The following SGCD variants were observed in gnomAD, a reference collection of about 807,000 sequenced individuals.
The protein encoded by SGCD is sarcoglycan delta.
A neutral mutation model predicts 36.6 loss-of-function variants in SGCD; 18 were observed. The ratio of observed to expected loss-of-function variants is 0.49; its 90% CI spans 0.34 to 0.73. The LOEUF is 0.73. Ranked by LOEUF, SGCD falls within the 30% of genes least tolerant of loss-of-function variation. The pLI is 0.01. For missense variants in SGCD, 387 were observed against 346.7 expected (o/e 1.12, Z -0.92); for synonymous variants, 133 against 130.6 (o/e 1.02, Z -0.12).
chr5:155,813,256 G>A, the SGCD span, among the ~76,000 whole-genome samples: 1 of 152,214 alleles, frequency 6.6e-6, no homozygotes, highest in African/African-American at 2.4e-5. Flanking sequence ...TGGTAAGTTA[G>A]TGAAGGTGGA....
At chr5:156,493,559 C>G (rs1383875569) in intron 3 of SGCD, among the ~76,000 whole-genome samples, 3 of 152,102 alleles carry the variant, frequency 2.0e-5, no homozygotes, top group Non-Finnish European at 4.4e-5. Flanking sequence ...ATATCTGAAA[C>G]TTCTCAGATT....
At chr5:156,257,384 G>T (rs1334097887) in intron 3 of SGCD, among the ~76,000 whole-genome samples, 2 of 152,072 alleles carry the variant, frequency 1.3e-5, no homozygotes, top group Non-Finnish European at 2.9e-5. Flanking sequence ...TGAGGCAGGA[G>T]AATGGCGTGA....
At chr5:156,384,330 T>G (rs1055274792) in intron 3 of SGCD, among the ~76,000 whole-genome samples, 1 of 152,228 alleles carries the variant, frequency 6.6e-6, no homozygotes, top group Non-Finnish European at 1.5e-5. Context: ...CTTCTTTCCT[T>G]CTTTGATTGC....
upstream of SGCD, among the ~76,000 whole-genome samples, chr5:156,322,520 C>A (rs931955313): frequency 2.0e-5 from 3 of 152,020 alleles, no homozygotes; most frequent in African/African-American, 7.3e-5. Flanking sequence ...TATGTATATA[C>A]AACTAAAATA....
chr5:156,070,062 C>T (rs1325471945), intron 1 of SGCD, among the ~76,000 whole-genome samples: 1 of 151,488 alleles, frequency 6.6e-6, no homozygotes, highest in African/African-American at 2.5e-5. Context: ...GATATACAAT[C>T]ATGTCATCTG....
intron 1 of SGCD, among the ~76,000 whole-genome samples, chr5:156,069,305 G>C (rs891121773): frequency 6.6e-6 from 1 of 152,192 alleles, no homozygotes; most frequent in African/African-American, 2.4e-5. Context: ...TTTGTATAAG[G>C]TGTAGGGAAG....
At chr5:155,875,644 CTT>C (rs1201927632) in intron 1 of SGCD, among the ~76,000 whole-genome samples, 7 of 140,304 alleles carry the variant, frequency 5.0e-5, no homozygotes, top group Admixed American at 1.4e-4. Context: ...GATGGCTCCA[CTT>C]TTTTTTTTTT....
At chr5:155,803,636 G>T in the SGCD span, among the ~76,000 whole-genome samples, 13,955 of 152,138 alleles carry the variant, frequency 0.092, 817 homozygotes, top group South Asian at 0.2. Context: ...CTGTCATATA[G>T]TTTATCTAAT....
the SGCD span, among the ~76,000 whole-genome samples, chr5:155,804,412 C>T: frequency 6.6e-6 from 1 of 152,226 alleles, no homozygotes; most frequent in Admixed American, 6.5e-5. Flanking sequence ...AGACACTATG[C>T]TCTGAGACTT....
At chr5:156,429,478 C>A (rs1050066148) in intron 3 of SGCD, among the ~76,000 whole-genome samples, 1 of 151,254 alleles carries the variant, frequency 6.6e-6, no homozygotes, top group Admixed American at 6.6e-5. Context: ...CATTCTGTGT[C>A]TTTTAAGTAG....
At chr5:156,177,199 A>G (rs1391956755) in intron 3 of SGCD, among the ~76,000 whole-genome samples, 2 of 151,940 alleles carry the variant, frequency 1.3e-5, no homozygotes, top group East Asian at 3.9e-4. Context: ...ACGGGGTTTT[A>G]CCATGTTGGC....
At chr5:156,225,177 T>A (rs1161051972) in intron 3 of SGCD, among the ~76,000 whole-genome samples, 2 of 152,116 alleles carry the variant, frequency 1.3e-5, no homozygotes, top group Non-Finnish European at 2.9e-5. Context: ...AAAAAACACT[T>A]TATTCCCTTG....
intron 4 of SGCD, among the ~76,000 whole-genome samples, chr5:156,546,460 T>G (rs1432475749): frequency 6.6e-6 from 1 of 152,246 alleles, no homozygotes; most frequent in Non-Finnish European, 1.5e-5. Context: ...AATGAACTAC[T>G]ACCATGGTAG....
chr5:156,583,326 T>C (rs913422907), intron 4 of SGCD, among the ~76,000 whole-genome samples: 1 of 152,176 alleles, frequency 6.6e-6, no homozygotes, highest in African/African-American at 2.4e-5. Flanking sequence ...TGTAGCTCAG[T>C]AAATGGCTGT....
In SGCD at chr5:156,595,950, T is replaced by A. The variant is rs550573927; in HGVS notation, c.502+899T>A. Among the ~76,000 whole-genome samples the A allele has an allele frequency of 1.2e-4, 18 of 152,320 alleles. 1 individual carries two copies. The highest frequency in any genetic ancestry group is 4.1e-4 in the African/African-American group (17 of 41,588). ...ATGCTGAAATGATCTAGCATGGTGA[T>A]TTAAGGATCCTAGAACTCCAGCTGA... On this transcript the variant is annotated intron_variant, in intron 6 of 8. Coordinates refer to ENST00000337851, the MANE Select transcript of SGCD (RefSeq NM_000337.6).
At chr5:156,265,629 A>G (rs1765978779) in intron 3 of SGCD, among the ~76,000 whole-genome samples, 1 of 150,814 alleles carries the variant, frequency 6.6e-6, no homozygotes, top group South Asian at 2.1e-4. Context: ...ATAATTTAAT[A>G]ATATATTGTT....
At chr5:156,315,524 G>A (rs558974061) in intron 3 of SGCD, among the ~76,000 whole-genome samples, 1 of 152,084 alleles carries the variant, frequency 6.6e-6, no homozygotes, top group African/African-American at 2.4e-5. Context: ...AAGAACATGG[G>A]AGGGTAAGCA....
At chr5:156,508,526 C>T (rs554499886) in intron 3 of SGCD, 75 bp from the exon 4 acceptor site, 17 of 822,854 alleles carry the variant, frequency 2.1e-5, no homozygotes, top group African/African-American at 6.9e-5. Context: ...GCTATAACTA[C>T]GTTTTTTACA....
At chr5:156,220,387 GTCTATTAAATAGA>G (rs1373936760) in intron 3 of SGCD, among the ~76,000 whole-genome samples, 8 of 152,126 alleles carry the variant, frequency 5.3e-5, no homozygotes, top group African/African-American at 1.9e-4. Flanking sequence ...GTATCCAACA[GTCTATTAAATAGA>G]TCAGCTTTTT....
Sources: allele counts gnomAD v4.1 joint callset (sites outside exome capture counted in the v4.1 genomes callset), GRCh38; gene constraint gnomAD v4.1.1; transcripts MANE v1.5; gene names NCBI Gene and HGNC (gene_info 2026-07-23, HGNC 2026-07-21).